SCART1: variants seen among roughly 807,000 people sequenced by gnomAD.
The protein encoded by SCART1 is scavenger receptor cysteine-rich domain-containing protein SCART1.
SCART1 carries 62 observed loss-of-function variants against 36.2 expected under a neutral mutation model. That is an observed-to-expected ratio of 1.71 (90% confidence interval 1.40 to 2.12). The LOEUF is 2.12. Ranked by LOEUF, SCART1 falls within the 30% of genes most tolerant of loss-of-function variation. The pLI is 0.00. For synonymous variants in SCART1, 487 were observed against 238.7 expected (o/e 2.04, Z -9.59); for missense variants, 1,041 against 540.5 (o/e 1.93, Z -9.18).
Position 133,458,668 on chromosome 10 carries a change from T to C in SCART1, c.979+12T>C, listed in dbSNP as rs1192967607. 5.7e-6 allele frequency: 4 copies of C among 700,418 alleles called. No homozygotes were observed. The East Asian group carries it at 1.1e-4, about 19-fold the overall frequency. 43.4% of individuals were successfully genotyped at this position (700,418 alleles called of 1,614,324 possible). A position where few individuals can be genotyped will look rare whatever the true frequency, so the allele number is the denominator to read the frequency against. On this transcript the variant is annotated intron_variant, in intron 4 of 11. Transcript: ENST00000640237. Reference sequence around the variant, plus strand: ...GCTCAGGTGCTCAGGTGAAGTCCTGTGTGTGGGCTCTGAAGGCTCAGCCCT... The same window carrying C: ...GCTCAGGTGCTCAGGTGAAGTCCTGCGTGTGGGCTCTGAAGGCTCAGCCCT...
chr10:133,459,759 CAG>C lies in SCART1; in HGVS notation c.1559_1560del (p.Gln520ArgfsTer16), dbSNP rs1850671779. On this transcript the variant is annotated frameshift_variant, in exon 6 of 12. Transcript: ENST00000640237. LOFTEE classifies it high-confidence loss of function. ...TCAGTGCAACGTGTCCGCGACCCTGCAGGAGCCCGCGGGGACCTCGCGGGACG... is the reference window on the plus strand; with the variant it reads ...TCAGTGCAACGTGTCCGCGACCCTGCGAGCCCGCGGGGACCTCGCGGGACG... 3 of 691,960 alleles carry C rather than the reference CAG, an allele frequency of 4.3e-6. No individual in the cohort carries two copies. The highest frequency in any genetic ancestry group is 3.6e-5 in the African/African-American group (2 of 55,846). 42.9% of individuals were successfully genotyped at this position (691,960 alleles called of 1,614,324 possible). A position where few individuals can be genotyped will look rare whatever the true frequency, so the allele number is the denominator to read the frequency against.
At chr10:133,459,540 G>A (rs748546492) in exon 6 of SCART1, 177 of 682,286 alleles carry the variant, frequency 2.6e-4, no homozygotes, top group Non-Finnish European at 4.2e-4. Flanking sequence ...TGACGGCCGC[G>A]TGGAGGTCTC....
chr10:133,454,174 C>T, intron 1 of SCART1, 110 bp downstream of exon 1: 1 of 687,264 alleles, frequency 1.5e-6, no homozygotes, highest in Non-Finnish European at 2.7e-6. Context: ...CTGCCTGGGT[C>T]TCACTCAGCC....
rs188547592 is a variant in SCART1 at position 133,466,241 on chromosome 10, G to T, written c.2666G>T (p.Gly889Val). 3.6e-4 allele frequency: 254 copies of T among 702,392 alleles called. 1 individual carries two copies. The highest frequency in any genetic ancestry group is 2.0e-4 in the Non-Finnish European group (78 of 384,730). 43.5% of individuals were successfully genotyped at this position (702,392 alleles called of 1,614,324 possible). The change falls in exon 10 of 12, where the codon GGC becomes GTC. Residue 889 changes from glycine (G) to valine (V), a missense_variant. Gly to Val is a moderately radical substitution (Grantham distance 109, BLOSUM62 -3). Coordinates refer to ENST00000640237, the Ensembl canonical transcript of SCART1. ...AAGACCTCTCCTTTCTCAGAGCCTG[G>T]CCCAGGCCCCCCACTGCCTGCAGCT...
chr10:133,457,083 A>G, intron 2 of SCART1, 196 bp from the exon 3 acceptor site: 1 of 582,954 alleles, frequency 1.7e-6, no homozygotes, highest in Non-Finnish European at 3.0e-6. Context: ...ACCTTGTTTC[A>G]GGAGACCAGC....
At chr10:133,456,395 G>A (rs1850612089) in exon 2 of SCART1, 1 of 702,780 alleles carries the variant, frequency 1.4e-6, no homozygotes. Context: ...CCCTGCCGTG[G>A]GCGCCCCCAA....
At chr10:133,461,854 T>G (rs2252728) in intron 6 of SCART1, among the ~76,000 whole-genome samples, 127,225 of 152,166 alleles carry the variant, frequency 0.84, 53,516 homozygotes, top group Middle Eastern at 0.95. Context: ...TCTTCCATGT[T>G]GTCCTTGCTC....
At chr10:133,455,127 C>T (rs1234940731) in intron 1 of SCART1, among the ~76,000 whole-genome samples, 2 of 152,014 alleles carry the variant, frequency 1.3e-5, no homozygotes, top group South Asian at 2.1e-4. Context: ...ATTAGCCAGT[C>T]GTGGTAGTGG....
exon 6 of SCART1, chr10:133,460,067 G>T: frequency 2.0e-6 from 1 of 511,652 alleles, no homozygotes; most frequent in South Asian, 2.8e-5. Context: ...GGCTGGACGA[G>T]CTGGGCTGCC....
rs1267459777 is a variant in SCART1 at position 133,456,597 on chromosome 10, G to C, written c.385+43G>C. ...AAGGGGACGGGGCTGAGGAGGAGGA[G>C]GAGTGGGAGGACGAGGAGGAGGACT... On this transcript the variant is annotated intron_variant, in intron 2 of 11. Coordinates refer to ENST00000640237, the Ensembl canonical transcript of SCART1. 5 of 619,404 alleles carry C rather than the reference G, an allele frequency of 8.1e-6. No homozygotes were observed. The African/African-American group carries it at 9.1e-5, about 11-fold the overall frequency. 38.4% of individuals were successfully genotyped at this position (619,404 alleles called of 1,614,324 possible). A position where few individuals can be genotyped will look rare whatever the true frequency, so the allele number is the denominator to read the frequency against.
At chr10:133,457,465 G>A (rs2133550871) in exon 3 of SCART1, 1 of 702,702 alleles carries the variant, frequency 1.4e-6, no homozygotes, top group African/African-American at 1.7e-5. Context: ...GGCGTCGTCA[G>A]GAAGTACCTG....
Position 133,459,476 on chromosome 10 carries a change from C to G in SCART1, c.1286-11C>G. ...CTGACATCTTGGGCCCCTGTGCGTC[C>G]CCATCCCCAGGTCTGGCCCACGCCC... On this transcript the variant is annotated splice_polypyrimidine_tract_variant and intron_variant, in intron 5 of 11. Coordinates refer to ENST00000640237, the Ensembl canonical transcript of SCART1. The G allele has an allele frequency of 1.6e-6, 1 of 627,176 alleles. No homozygotes were observed. Among genetic ancestry groups the G allele is most frequent in the South Asian group, 1.8e-5 (1 of 54,414 alleles). 38.9% of individuals were successfully genotyped at this position (627,176 alleles called of 1,614,324 possible). A position where few individuals can be genotyped will look rare whatever the true frequency, so the allele number is the denominator to read the frequency against.
At chr10:133,461,739 A>G (rs1027673285) in intron 6 of SCART1, among the ~76,000 whole-genome samples, 1 of 152,126 alleles carries the variant, frequency 6.6e-6, no homozygotes, top group African/African-American at 2.4e-5. Flanking sequence ...CTGCTCTCAT[A>G]AAAGGTCCAT....
chr10:133,469,018 T>G (rs923253098), exon 12 of SCART1: 2 of 152,220 alleles, frequency 1.3e-5, no homozygotes, highest in East Asian at 3.8e-4. Context: ...TGTTCTTATT[T>G]CTCCACATCC....
chr10:133,456,369 G>T (rs1850611444), exon 2 of SCART1: 1 of 702,812 alleles, frequency 1.4e-6, no homozygotes, highest in African/African-American at 1.7e-5. Flanking sequence ...GTCGTGTGCA[G>T]GCAGCTGGGC....
intron 6 of SCART1, among the ~76,000 whole-genome samples, chr10:133,462,243 C>T (rs1850711198): frequency 6.6e-6 from 1 of 152,210 alleles, no homozygotes; most frequent in Admixed American, 6.5e-5. Context: ...GCTGCTTTGC[C>T]CAAGGTCCTG....
At chr10:133,464,952 G>C (rs1462640697) in intron 7 of SCART1, 41 bp downstream of exon 7, 7 of 702,750 alleles carry the variant, frequency 1.0e-5, no homozygotes, top group Middle Eastern at 2.3e-4. Context: ...AGGTCTCTGG[G>C]GGTGCCTGGG....
At chr10:133,468,056 A>G in exon 12 of SCART1, 1 of 593,386 alleles carries the variant, frequency 1.7e-6, no homozygotes, top group Non-Finnish European at 3.1e-6. Flanking sequence ...TCGTGAGAAC[A>G]CCTTGGATGC....
rs762442091 is a variant in SCART1, at chr10:133,465,228, A to G, written c.2345-23A>G. The G allele has an allele frequency of 4.1e-5, 29 of 701,124 alleles. No individual in the cohort carries two copies. In the Middle Eastern group the frequency reaches 2.5e-3, roughly 61 times the overall value. 43.4% of individuals were successfully genotyped at this position (701,124 alleles called of 1,614,324 possible). ...CTTCCCATCCCGGTCCAGCCCCCGC[A>G]GTGACCGCAGCCCCTTTTGCAGAGG... is the stretch of plus-strand genomic sequence containing the variant. On this transcript the variant is annotated intron_variant, in intron 8 of 11. Coordinates refer to ENST00000640237, the Ensembl canonical transcript of SCART1.
Sources: allele counts gnomAD v4.1 joint callset (sites outside exome capture counted in the v4.1 genomes callset), GRCh38; gene constraint gnomAD v4.1.1; transcripts MANE v1.5; gene names NCBI Gene and HGNC (gene_info 2026-07-23, HGNC 2026-07-21).